The following OLA1 variants were observed in gnomAD, a reference collection of about 807,000 sequenced individuals.
OLA1 encodes the protein obg-like ATPase 1.
OLA1 carries 14 observed loss-of-function variants against 48.4 expected under a neutral mutation model. That is an observed-to-expected ratio of 0.29 (90% CI 0.19 to 0.45). The LOEUF (loss-of-function observed/expected upper bound fraction) is 0.45, where lower values mean the gene tolerates loss of function less well. Among genes scored for constraint, OLA1 ranks in the 20% least tolerant of loss-of-function variants. The pLI is 1.00. For missense variants in OLA1, 325 were observed against 467.1 expected (o/e 0.70, Z 2.80); for synonymous variants, 127 against 150.4 (o/e 0.84, Z 1.14).
At chr2:174,163,309 A>G (rs1687056898) in intron 4 of OLA1, among the ~76,000 whole-genome samples, 3 of 152,200 alleles carry the variant, frequency 2.0e-5, no homozygotes, top group African/African-American at 4.8e-5. Context: ...TAAGGCAAAA[A>G]AAGAAGAGAA....
intron 1 of OLA1, 57 bp downstream of exon 1, chr2:174,248,395 G>T (rs563733753): frequency 0.012 from 1,904 of 158,394 alleles, 38 homozygotes; most frequent in African/African-American, 0.043. Context: ...AGGGCAATGA[G>T]CCCAGGCGCC....
intron 5 of OLA1, among the ~76,000 whole-genome samples, chr2:174,137,315 G>A (rs1308032971): frequency 1.3e-5 from 2 of 152,198 alleles, no homozygotes; most frequent in East Asian, 3.9e-4. Flanking sequence ...GAACCATGCT[G>A]TAAACAGATG....
At chr2:174,234,662 C>T (rs1010125180) in intron 2 of OLA1, among the ~76,000 whole-genome samples, 1 of 152,086 alleles carries the variant, frequency 6.6e-6, no homozygotes, top group South Asian at 2.1e-4. Context: ...CAGGGTTTCA[C>T]CCTGTTGCAC....
chr2:174,164,386 T>TGGTGCAGAATGGATACCA (rs1401788981), intron 4 of OLA1, among the ~76,000 whole-genome samples: 2 of 41,140 alleles, frequency 4.9e-5, no homozygotes, highest in African/African-American at 2.1e-4. Flanking sequence ...TACCATTCTG[T>TGGTGCAGAATGGATACCA]TTTATGTTTG....
chr2:174,164,446 T>A (rs115659057), intron 4 of OLA1, among the ~76,000 whole-genome samples: 1,686 of 123,832 alleles, frequency 0.014, 25 homozygotes, highest in South Asian at 0.072. Flanking sequence ...CTTCACCACA[T>A]ATTTAATGAA....
chr2:174,081,352 T>C, intron 8 of OLA1, 104 bp from the exon 9 acceptor site: 2 of 770,616 alleles, frequency 2.6e-6, no homozygotes, highest in Non-Finnish European at 4.4e-6. Context: ...TTAAAGATAG[T>C]AGTAAATGAC....
At chr2:174,233,462 C>T (rs1688777979) in intron 2 of OLA1, among the ~76,000 whole-genome samples, 1 of 152,196 alleles carries the variant, frequency 6.6e-6, no homozygotes, top group Admixed American at 6.5e-5. Context: ...CAACCTCCGC[C>T]TCCTGGGTTC....
intron 4 of OLA1, among the ~76,000 whole-genome samples, chr2:174,194,991 A>G (rs1327435576): frequency 6.6e-6 from 1 of 152,144 alleles, no homozygotes; most frequent in Admixed American, 6.5e-5. Flanking sequence ...CTATGGTAAT[A>G]TTCCAGATCG....
intron 7 of OLA1, among the ~76,000 whole-genome samples, chr2:174,119,492 TG>T (rs984298581): frequency 2.0e-5 from 3 of 152,142 alleles, no homozygotes; most frequent in African/African-American, 7.2e-5. Flanking sequence ...AATAGAAAAT[TG>T]TGTGTCAAAA....
chr2:174,202,716 T>C (rs1688018230), intron 4 of OLA1, among the ~76,000 whole-genome samples: 1 of 152,214 alleles, frequency 6.6e-6, no homozygotes. Context: ...TGTAAACAGA[T>C]AATATGAACT....
intron 4 of OLA1, among the ~76,000 whole-genome samples, chr2:174,149,374 T>C (rs1686691173): frequency 6.6e-6 from 1 of 152,196 alleles, no homozygotes. Context: ...TATGTTGATG[T>C]CTTTCTTAGC....
intron 7 of OLA1, among the ~76,000 whole-genome samples, chr2:174,115,912 A>G (rs946327994): frequency 6.6e-6 from 1 of 152,208 alleles, no homozygotes; most frequent in African/African-American, 2.4e-5. Flanking sequence ...ATGAGACTGT[A>G]AGTCTTCCAG....
At chr2:174,211,277 G>A (rs1574553997) in intron 4 of OLA1, among the ~76,000 whole-genome samples, 1 of 151,876 alleles carries the variant, frequency 6.6e-6, no homozygotes, top group Non-Finnish European at 1.5e-5. Flanking sequence ...AGAACAGAGT[G>A]TACAAACATA....
In OLA1 at chr2:174,196,984, C is replaced by T. The variant is rs1687892044; in HGVS notation, c.373+26049G>A. On this transcript the variant is annotated intron_variant, in intron 4 of 10. Transcript: ENST00000284719. The stretch of plus-strand genomic sequence containing the variant: ...TGTAGTAATATGTTGCCAGTGTATT[C>T]TATAGGTTAATAATTTATGTTACAA... Among the ~76,000 whole-genome samples, 4 of 152,146 alleles carry T rather than the reference C, an allele frequency of 2.6e-5. No homozygotes were observed. The South Asian group carries it at 8.3e-4, about 32-fold the overall frequency.
Position 174,195,621 on chromosome 2 carries a change from G to A in OLA1, c.373+27412C>T, listed in dbSNP as rs566598648. 5.9e-5 allele frequency among the ~76,000 whole-genome samples: 9 copies of A among 152,210 alleles called. No individual in the cohort carries two copies. In the South Asian group the frequency reaches 1.9e-3, roughly 32 times the overall value. On this transcript the variant is annotated intron_variant, in intron 4 of 10. Coordinates refer to ENST00000284719, the MANE Select transcript of OLA1 (RefSeq NM_013341.5). Reference sequence around the variant, plus strand: ...GATTGTTTCTAAAAAGAACAAAAAGGTCTTATTTTAAGTAGTTTTCCTGCT... The same window carrying A: ...GATTGTTTCTAAAAAGAACAAAAAGATCTTATTTTAAGTAGTTTTCCTGCT...
intron 7 of OLA1, among the ~76,000 whole-genome samples, chr2:174,098,310 T>C (rs1685307628): frequency 6.6e-6 from 1 of 152,224 alleles, no homozygotes; most frequent in Non-Finnish European, 1.5e-5. Context: ...AGACTTATTC[T>C]TTCTTAAAGA....
chr2:174,091,585 A>C (rs958091744), intron 7 of OLA1, among the ~76,000 whole-genome samples: 16 of 152,252 alleles, frequency 1.1e-4, no homozygotes, highest in African/African-American at 3.9e-4. Context: ...TTACTTTTTA[A>C]CATCTTTTAA....
At chr2:174,239,059 A>T (rs140486844) in intron 2 of OLA1, among the ~76,000 whole-genome samples, 2 of 152,328 alleles carry the variant, frequency 1.3e-5, no homozygotes, top group African/African-American at 4.8e-5. Flanking sequence ...TCTTTTGTAC[A>T]ATAGGATTTT....
intron 4 of OLA1, among the ~76,000 whole-genome samples, chr2:174,180,432 G>A (rs955774346): frequency 3.3e-5 from 5 of 152,166 alleles, no homozygotes; most frequent in African/African-American, 1.2e-4. Flanking sequence ...TTGTATGTGT[G>A]TTAGTGCTCT....
Sources: allele counts gnomAD v4.1 joint callset (sites outside exome capture counted in the v4.1 genomes callset), GRCh38; gene constraint gnomAD v4.1.1; transcripts MANE v1.5; gene names NCBI Gene and HGNC (gene_info 2026-07-23, HGNC 2026-07-21).